Variants in ASPRV1 observed in about 807,000 individuals in gnomAD.
The protein encoded by ASPRV1 is retroviral-like aspartic protease 1.
A neutral mutation model predicts 11.0 loss-of-function variants in ASPRV1; 7 were observed. The observed-to-expected ratio is 0.64, with a 90% CI of 0.36 to 1.20. The LOEUF is 1.20. Among genes scored for constraint, ASPRV1 ranks in the 50% most tolerant of loss-of-function variants. The pLI, the probability that ASPRV1 is intolerant of heterozygous loss-of-function variation, is 0.02. For synonymous variants in ASPRV1, 136 were observed against 138.4 expected (o/e 0.98, Z 0.12); for missense variants, 299 against 320.0 (o/e 0.93, Z 0.50).
the ASPRV1 span, among the ~76,000 whole-genome samples, chr2:69,970,009 G>A: frequency 6.6e-6 from 1 of 151,986 alleles, no homozygotes; most frequent in South Asian, 2.1e-4. Flanking sequence ...CAGGATTACA[G>A]GCATGAGCCA....
At chr2:69,963,116 C>T (rs80322862), upstream of ASPRV1, 1,078 of 376,696 alleles carry the variant, frequency 2.9e-3, 11 homozygotes, top group African/African-American at 0.021. Flanking sequence ...TGGCCCAGGT[C>T]CCCAACCACA....
At chr2:70,075,934 T>G in the ASPRV1 span, among the ~76,000 whole-genome samples, 7 of 152,012 alleles carry the variant, frequency 4.6e-5, no homozygotes, top group African/African-American at 1.7e-4. Flanking sequence ...TAAACAAGCA[T>G]AATAACAAGA....
At chr2:69,933,503 AC>A in the ASPRV1 span, among the ~76,000 whole-genome samples, 78,032 of 151,924 alleles carry the variant, frequency 0.51, 21,422 homozygotes, top group African/African-American at 0.72. Flanking sequence ...TGAAAGACTT[AC>A]AAAATAGTAA....
At chr2:70,021,791 C>T in the ASPRV1 span, among the ~76,000 whole-genome samples, 1 of 151,988 alleles carries the variant, frequency 6.6e-6, no homozygotes, top group African/African-American at 2.4e-5. Context: ...CAACCTCCGC[C>T]TCCCGGGTTC....
the ASPRV1 span, among the ~76,000 whole-genome samples, chr2:69,947,637 G>A: frequency 2.6e-5 from 4 of 152,074 alleles, no homozygotes; most frequent in South Asian, 2.1e-4. Context: ...ACTGCCATGC[G>A]GAATCACAGT....
At chr2:70,021,532 A>T in the ASPRV1 span, among the ~76,000 whole-genome samples, 1 of 151,746 alleles carries the variant, frequency 6.6e-6, no homozygotes, top group Middle Eastern at 3.4e-3. Flanking sequence ...GTTAGCCAGG[A>T]TGGTCTCCAT....
chr2:69,933,200 C>CAAAAAAA, the ASPRV1 span, among the ~76,000 whole-genome samples: 7 of 80,150 alleles, frequency 8.7e-5, no homozygotes, highest in East Asian at 3.6e-4. Flanking sequence ...AACTCTGTCT[C>CAAAAAAA]AAAAAAAAAA....
the ASPRV1 span, among the ~76,000 whole-genome samples, chr2:70,006,812 C>T: frequency 2.0e-5 from 3 of 152,146 alleles, no homozygotes; most frequent in African/African-American, 7.2e-5. Context: ...AATGCACATA[C>T]CCTTGACCTA....
At chr2:70,058,802 C>T in the ASPRV1 span, among the ~76,000 whole-genome samples, 2 of 151,842 alleles carry the variant, frequency 1.3e-5, no homozygotes, top group Admixed American at 1.3e-4. Context: ...ATCCTCCCAC[C>T]TCAGCCTCCC....
At chr2:69,933,445 T>G in the ASPRV1 span, among the ~76,000 whole-genome samples, 1 of 152,160 alleles carries the variant, frequency 6.6e-6, no homozygotes, top group Non-Finnish European at 1.5e-5. Flanking sequence ...ACCTGTAACA[T>G]GAGTCTTTGC....
chr2:70,086,326 C>A, the ASPRV1 span: 1 of 152,226 alleles, frequency 6.6e-6, no homozygotes, highest in Non-Finnish European at 1.5e-5. Flanking sequence ...CGGAGTAGCG[C>A]CACGTTAGCC....
the ASPRV1 span, among the ~76,000 whole-genome samples, chr2:70,065,755 G>A: frequency 5.5e-5 from 8 of 146,470 alleles, no homozygotes; most frequent in African/African-American, 2.0e-4. Context: ...AGCCCAGAGC[G>A]GTACAGTCAG....
the ASPRV1 span, among the ~76,000 whole-genome samples, chr2:69,935,904 T>C: frequency 1.3e-5 from 2 of 152,112 alleles, no homozygotes; most frequent in Non-Finnish European, 2.9e-5. Context: ...AATCAACACG[T>C]GACCTTGTTT....
upstream of ASPRV1, chr2:69,964,542 G>GGT (rs1678270934): frequency 3.7e-6 from 1 of 272,418 alleles, no homozygotes; most frequent in Non-Finnish European, 7.4e-6. Context: ...CTACGCCAGA[G>GGT]GTGCCCCATG....
the ASPRV1 span, among the ~76,000 whole-genome samples, chr2:70,020,003 T>C: frequency 1.1e-4 from 17 of 152,070 alleles, no homozygotes; most frequent in Non-Finnish European, 2.1e-4. Context: ...TATATATATA[T>C]CAATATATAT....
the ASPRV1 span, among the ~76,000 whole-genome samples, chr2:70,086,802 C>T: frequency 8.5e-4 from 129 of 152,378 alleles, no homozygotes; most frequent in African/African-American, 2.9e-3. Flanking sequence ...TTTTTAGGAC[C>T]ACGTTTCTAG....
the ASPRV1 span, among the ~76,000 whole-genome samples, chr2:70,020,600 G>T: frequency 6.6e-6 from 1 of 152,082 alleles, no homozygotes; most frequent in African/African-American, 2.4e-5. Flanking sequence ...AAAATTAGCC[G>T]GTGTGGTGGC....
At chr2:69,955,625 A>ACCT (rs1330072871), downstream of ASPRV1, among the ~76,000 whole-genome samples, 49 of 152,280 alleles carry the variant, frequency 3.2e-4, no homozygotes, top group South Asian at 1.0e-2. Flanking sequence ...GAAGTCACAA[A>ACCT]TCTCAAGGGG....
the ASPRV1 span, among the ~76,000 whole-genome samples, chr2:70,053,411 T>C: frequency 6.6e-6 from 1 of 152,086 alleles, no homozygotes; most frequent in Non-Finnish European, 1.5e-5. Context: ...AGGGAAAGAC[T>C]CAACTACTTC....
Sources: gnomAD v4.1 joint callset for allele counts (sites outside exome capture counted in the v4.1 genomes callset) on GRCh38, gnomAD v4.1.1 for gene constraint, MANE v1.5 for transcripts, NCBI Gene and HGNC (gene_info 2026-07-23, HGNC 2026-07-21) for gene names.